The following GLG1 variants were observed in gnomAD, a reference collection of about 807,000 sequenced individuals.
GLG1 encodes the protein golgi glycoprotein 1.
Under a neutral mutation model 160.5 loss-of-function variants are expected in GLG1, and 38 were observed. The observed-to-expected ratio is 0.24, with a 90% CI of 0.18 to 0.31. GLG1 has a LOEUF of 0.31. Among genes scored for constraint, GLG1 ranks in the 10% least tolerant of loss-of-function variants. The pLI, the probability that GLG1 is intolerant of heterozygous loss-of-function variation, is 1.00. For synonymous variants in GLG1, 644 were observed against 543.4 expected (o/e 1.19, Z -2.57); for missense variants, 1,373 against 1,505.2 (o/e 0.91, Z 1.45).
chr16:74,470,264 C>T (rs2015149173), intron 15 of GLG1, among the ~76,000 whole-genome samples, 191 bp from the exon 16 acceptor site: 1 of 151,344 alleles, frequency 6.6e-6, no homozygotes, highest in African/African-American at 2.4e-5. Context: ...TCCTTCCTTC[C>T]TTCCCTCCCT....
intron 7 of GLG1, among the ~76,000 whole-genome samples, chr16:74,491,636 C>CTT (rs57935114): frequency 1.1e-4 from 10 of 87,386 alleles, no homozygotes; most frequent in African/African-American, 3.2e-4. Context: ...ATGGGGAAAA[C>CTT]TTTTTTTTTT....
Position 74,503,568 on chromosome 16 carries a change from T to C in GLG1, c.737A>G (p.Asn246Ser). 1.9e-6 allele frequency: 3 copies of C among 1,613,606 alleles called. No homozygotes were observed. Among genetic ancestry groups the C allele is most frequent in the Non-Finnish European group, 2.5e-6 (3 of 1,179,542 alleles). The change falls in exon 4 of 26, where the codon AAC (asparagine) becomes AGC (serine). Residue 246 changes from asparagine (N) to serine (S), a missense_variant. Around this residue, in one of 4 missense-constraint regions of GLG1, gnomAD observed 174 missense variants for 229.9 expected, o/e 0.76. Transcript: ENST00000422840. ...GFMDDCKNDI[N>S]ILKCGSIRLG... ...CCGAATACTGCCACATTTCAGAATG[T>C]TGATGTCATTTTTGCAGTCATCCAT...
At chr16:74,465,532 C>G in intron 19 of GLG1, 144 bp downstream of exon 19, 1 of 786,046 alleles carries the variant, frequency 1.3e-6, no homozygotes, top group Non-Finnish European at 2.1e-6. Context: ...CCCAGGAACC[C>G]GCAGGCTCCC....
chr16:74,526,930 C>T (rs149108731), intron 2 of GLG1, among the ~76,000 whole-genome samples: 28 of 152,144 alleles, frequency 1.8e-4, no homozygotes, highest in African/African-American at 6.3e-4. Context: ...CGCAAATTTG[C>T]TTAGAACAAT....
At chr16:74,593,526 CCAGGTT>C (rs1425820038) in intron 1 of GLG1, among the ~76,000 whole-genome samples, 1 of 151,732 alleles carries the variant, frequency 6.6e-6, no homozygotes, top group African/African-American at 2.4e-5. Flanking sequence ...CCTCCACCTC[CCAGGTT>C]CAAGCGATTC....
At chr16:74,469,356 C>T in intron 16 of GLG1, 1 of 428,576 alleles carries the variant, frequency 2.3e-6, no homozygotes. Context: ...AACATGTGAC[C>T]ACAGAGGAAT....
chr16:74,491,176 T>C lies in GLG1; in HGVS notation c.1274A>G (p.Asp425Gly). The C allele has an allele frequency of 6.2e-7, 1 of 1,614,136 alleles. No homozygotes were observed. ...GTCTTCCATCAACATGCGTCGGTAA[T>C]CCAGCATCTCCCCCTGGCACTCACT... Reference protein sequence around the residue: ...VSSECQGEMLDYRRMLMEDFS... With the variant: ...VSSECQGEMLGYRRMLMEDFS... The change falls in exon 8 of 26, where the codon GAT becomes GGT. Residue 425 changes from aspartate to glycine, a missense_variant. Physicochemically the swap from Asp to Gly is moderately conservative, Grantham distance 94. Around this residue, in one of 4 missense-constraint regions of GLG1, gnomAD observed 386 missense variants for 388.5 expected, o/e 0.99. Transcript: ENST00000422840.
At chr16:74,506,598 A>AAAAAAAAAAAAAAAAAC (rs768101788) in intron 3 of GLG1, among the ~76,000 whole-genome samples, 30 of 144,666 alleles carry the variant, frequency 2.1e-4, no homozygotes, top group African/African-American at 6.9e-4. Flanking sequence ...AAAAAAAAAA[A>AAAAAAAAAAAAAAAAAC]AAAAAACTCA....
At chr16:74,583,153 G>C (rs1289254324) in intron 1 of GLG1, among the ~76,000 whole-genome samples, 1 of 152,060 alleles carries the variant, frequency 6.6e-6, no homozygotes, top group Non-Finnish European at 1.5e-5. Context: ...CCAGGGCTCA[G>C]TCCTTGGAAT....
chr16:74,494,923 G>A (rs993892093), intron 5 of GLG1, 92 bp from the exon 6 acceptor site: 20 of 672,024 alleles, frequency 3.0e-5, no homozygotes, highest in South Asian at 2.3e-4. Context: ...TCTATTAAAC[G>A]ATTATAATCG....
chr16:74,596,257 G>A (rs565137294), intron 1 of GLG1, among the ~76,000 whole-genome samples: 3 of 149,882 alleles, frequency 2.0e-5, no homozygotes, highest in African/African-American at 7.4e-5. Context: ...GGCTGGGCGT[G>A]GTTGCTAATG....
chr16:74,584,101 T>G (rs1482688467), intron 1 of GLG1, among the ~76,000 whole-genome samples: 1 of 152,140 alleles, frequency 6.6e-6, no homozygotes, highest in Non-Finnish European at 1.5e-5. Context: ...CAATTCATAG[T>G]GCCCCGAGTA....
intron 4 of GLG1, among the ~76,000 whole-genome samples, chr16:74,499,520 C>T (rs967396596): frequency 5.9e-5 from 9 of 152,178 alleles, no homozygotes; most frequent in Admixed American, 5.9e-4. Context: ...ACATGCTGTA[C>T]AGGTTTGTAG....
chr16:74,513,349 G>C (rs2016873744), intron 2 of GLG1, among the ~76,000 whole-genome samples: 1 of 152,126 alleles, frequency 6.6e-6, no homozygotes, highest in East Asian at 1.9e-4. Context: ...CAAGCTCCTT[G>C]AAAATATAGT....
intron 2 of GLG1, among the ~76,000 whole-genome samples, chr16:74,512,027 T>C (rs1239614391): frequency 2.6e-5 from 4 of 152,252 alleles, no homozygotes; most frequent in African/African-American, 9.6e-5. Flanking sequence ...TTCACAAGGA[T>C]GGGCAACAAC....
At chr16:74,536,113 G>A (rs1302826458) in intron 1 of GLG1, among the ~76,000 whole-genome samples, 1 of 152,186 alleles carries the variant, frequency 6.6e-6, no homozygotes, top group Non-Finnish European at 1.5e-5. Flanking sequence ...CCAATGAACA[G>A]AAATCTCAAG....
intron 2 of GLG1, among the ~76,000 whole-genome samples, chr16:74,519,354 G>A (rs2017086757): frequency 6.6e-6 from 1 of 151,964 alleles, no homozygotes; most frequent in Non-Finnish European, 1.5e-5. Flanking sequence ...GGCTAGGGGA[G>A]GGATAACATT....
At position 74,507,192 on chromosome 16, in the gene GLG1, G is replaced by A. The variant is rs150683800; in HGVS notation, c.558+1647C>T. 9.4e-3 allele frequency among the ~76,000 whole-genome samples: 1,432 copies of A among 152,302 alleles called. 19 individuals carry two copies. The highest frequency in any genetic ancestry group is 0.015 in the Non-Finnish European group (1,051 of 68,034). ...TATAATCTTCCTGTGGGAGGGAGAAGTGTCCTTGTTAATGCTAATCTTTTA... is the reference window on the plus strand; with the variant it reads ...TATAATCTTCCTGTGGGAGGGAGAAATGTCCTTGTTAATGCTAATCTTTTA... On this transcript the variant is annotated intron_variant, in intron 3 of 25. Coordinates refer to ENST00000422840, the MANE Select transcript of GLG1 (RefSeq NM_001145667.2).
intron 17 of GLG1, 187 bp from the exon 18 acceptor site, chr16:74,468,035 C>G: frequency 1.9e-6 from 1 of 530,160 alleles, no homozygotes; most frequent in South Asian, 2.7e-5. Context: ...TGGCCTTGGA[C>G]CTTCTTTGCA....
Sources: gnomAD v4.1 joint callset for allele counts (sites outside exome capture counted in the v4.1 genomes callset) on GRCh38, gnomAD v4.1.1 for gene constraint, gnomAD v4.1.1 regional missense constraint, MANE v1.5 for transcripts, NCBI Gene and HGNC (gene_info 2026-07-23, HGNC 2026-07-21) for gene names.